Variants in MTUS2 observed in about 807,000 individuals in gnomAD.
MTUS2 encodes the protein microtubule-associated tumor suppressor candidate 2.
Under a neutral mutation model 114.1 loss-of-function variants are expected in MTUS2, and 40 were observed. That is an observed-to-expected ratio of 0.35 (90% CI 0.27 to 0.46). The LOEUF is 0.46. Among genes scored for constraint, MTUS2 ranks in the 20% least tolerant of loss-of-function variants. MTUS2 has a pLI of 1.00. For missense variants in MTUS2, 1,679 were observed against 1,705.4 expected (o/e 0.98, Z 0.27); for synonymous variants, 688 against 672.0 (o/e 1.02, Z -0.37).
intron 9 of MTUS2, among the ~76,000 whole-genome samples, chr13:29,451,346 G>C (rs1027335670): frequency 1.3e-5 from 2 of 151,870 alleles, no homozygotes; most frequent in Non-Finnish European, 2.9e-5. Flanking sequence ...ATAGGTCAAA[G>C]AGGAAACCAC....
chr13:29,360,298 A>G (rs1211350506), intron 8 of MTUS2, among the ~76,000 whole-genome samples: 1 of 152,206 alleles, frequency 6.6e-6, no homozygotes, highest in African/African-American at 2.4e-5. Flanking sequence ...TAAGAAAGTG[A>G]ATTAACGAAA....
chr13:28,941,717 TCTTTGGTA>T (rs57452998), intron 2 of MTUS2, among the ~76,000 whole-genome samples: 6,575 of 151,760 alleles, frequency 0.043, 471 homozygotes, highest in African/African-American at 0.15. Context: ...TTGTGAATAT[TCTTTGGTA>T]CATCAAACTT....
intron 2 of MTUS2, among the ~76,000 whole-genome samples, chr13:28,854,184 A>G (rs757518917): frequency 3.3e-5 from 5 of 152,360 alleles, no homozygotes; most frequent in Admixed American, 6.5e-5. Flanking sequence ...CTGCATCTCA[A>G]CAAGAATCCC....
chr13:28,845,662 T>G, intron 2 of MTUS2, among the ~76,000 whole-genome samples: 1 of 148,046 alleles, frequency 6.8e-6, no homozygotes, highest in East Asian at 2.0e-4. Context: ...TTTTGTTTGT[T>G]TTTTTTTTTT....
At chr13:29,071,863 G>A (rs2138691867) in intron 4 of MTUS2, 1 of 151,874 alleles carries the variant, frequency 6.6e-6, no homozygotes, top group East Asian at 1.9e-4. Context: ...CTCCAACTCC[G>A]AGGTGTGGCA....
At chr13:29,240,331 A>T (rs1896687004) in intron 5 of MTUS2, among the ~76,000 whole-genome samples, 1 of 152,204 alleles carries the variant, frequency 6.6e-6, no homozygotes, top group African/African-American at 2.4e-5. Context: ...GTATGGCAAC[A>T]ACTGTGGTCT....
intron 14 of MTUS2, among the ~76,000 whole-genome samples, chr13:29,500,063 C>A (rs964082726): frequency 7.2e-5 from 11 of 152,038 alleles, no homozygotes; most frequent in African/African-American, 2.7e-4. Flanking sequence ...CACCCATCTT[C>A]CCCCTCCTGG....
At chr13:29,269,287 T>C (rs979777053) in intron 5 of MTUS2, among the ~76,000 whole-genome samples, 2 of 152,220 alleles carry the variant, frequency 1.3e-5, no homozygotes, top group African/African-American at 4.8e-5. Flanking sequence ...TAATTTGTCT[T>C]AAGCCATCAT....
chr13:29,037,089 A>G (rs1236779788), intron 4 of MTUS2, among the ~76,000 whole-genome samples: 1 of 152,034 alleles, frequency 6.6e-6, no homozygotes, highest in Non-Finnish European at 1.5e-5. Context: ...TAGTTGATGG[A>G]GTTTCTTAAT....
At chr13:29,388,443 C>T (rs1217633102) in intron 8 of MTUS2, among the ~76,000 whole-genome samples, 1 of 150,766 alleles carries the variant, frequency 6.6e-6, no homozygotes, top group Non-Finnish European at 1.5e-5. Flanking sequence ...TTGTAATCGA[C>T]CTAGACAGAA....
chr13:29,385,613 C>T (rs1292438915), intron 8 of MTUS2, among the ~76,000 whole-genome samples: 1 of 144,956 alleles, frequency 6.9e-6, no homozygotes, highest in African/African-American at 2.5e-5. Context: ...GCAAGTTTGC[C>T]TGTTGCTGCT....
intron 2 of MTUS2, among the ~76,000 whole-genome samples, chr13:28,931,698 CTTTAAG>C (rs1055698990): frequency 1.9e-4 from 29 of 152,062 alleles, no homozygotes; most frequent in African/African-American, 6.5e-4. Flanking sequence ...TTTTATTATA[CTTTAAG>C]TTTTAGGGTA....
rs1177910530 is a variant in MTUS2, at chr13:29,326,851, G to A, written c.2905+2140G>A. ...AAAAATTAGCCAGGTGTGGTGGTGC[G>A]TGCCTGTAGTCCCAGCTACTTGGGA... On this transcript the variant is annotated intron_variant, in intron 7 of 15. Coordinates refer to ENST00000612955, the MANE Select transcript of MTUS2 (RefSeq NM_001033602.4). Among the ~76,000 whole-genome samples, 3 of 152,166 alleles carry A rather than the reference G, an allele frequency of 2.0e-5. No homozygotes were observed. In the East Asian group the frequency reaches 5.8e-4, roughly 29 times the overall value.
intron 9 of MTUS2, among the ~76,000 whole-genome samples, chr13:29,447,791 C>T (rs1392443254): frequency 1.3e-5 from 2 of 151,734 alleles, no homozygotes; most frequent in African/African-American, 2.4e-5. Flanking sequence ...AACCAGAATC[C>T]AGCACCACAC....
intron 5 of MTUS2, among the ~76,000 whole-genome samples, chr13:29,234,423 T>A (rs935540077): frequency 6.6e-6 from 1 of 152,218 alleles, no homozygotes; most frequent in Non-Finnish European, 1.5e-5. Flanking sequence ...ATCCAACAGG[T>A]CATTCTTTAC....
chr13:29,447,986 T>C (rs1878409823), intron 9 of MTUS2, among the ~76,000 whole-genome samples: 1 of 151,988 alleles, frequency 6.6e-6, no homozygotes, highest in African/African-American at 2.4e-5. Context: ...CTGAAATCGG[T>C]TTATAAGATG....
At chr13:28,946,190 G>T (rs1330842605) in intron 2 of MTUS2, among the ~76,000 whole-genome samples, 1 of 152,152 alleles carries the variant, frequency 6.6e-6, no homozygotes, top group African/African-American at 2.4e-5. Flanking sequence ...TAACTAGCAT[G>T]TAGAAGGCCC....
intron 2 of MTUS2, among the ~76,000 whole-genome samples, chr13:28,972,861 T>C (rs1307299148): frequency 6.6e-6 from 1 of 152,228 alleles, no homozygotes; most frequent in Non-Finnish European, 1.5e-5. Context: ...TGCTGCAGAC[T>C]TTTTAAGAGA....
intron 2 of MTUS2, among the ~76,000 whole-genome samples, chr13:28,855,648 C>G (rs1161137831): frequency 6.6e-6 from 1 of 152,132 alleles, no homozygotes; most frequent in Non-Finnish European, 1.5e-5. Flanking sequence ...TGTATATGTA[C>G]CACATTTTCT....
Sources: allele counts gnomAD v4.1 joint callset (sites outside exome capture counted in the v4.1 genomes callset), GRCh38; gene constraint gnomAD v4.1.1; transcripts MANE v1.5; gene names NCBI Gene and HGNC (gene_info 2026-07-23, HGNC 2026-07-21).